CARD9: variants seen among roughly 807,000 people sequenced by gnomAD.
The protein encoded by CARD9 is caspase recruitment domain-containing protein 9.
A neutral mutation model predicts 66.0 loss-of-function variants in CARD9; 53 were observed. The observed-to-expected ratio is 0.80, with a 90% CI of 0.64 to 1.01. The LOEUF (loss-of-function observed/expected upper bound fraction) is 1.01, where lower values mean the gene tolerates loss of function less well. CARD9 is among the 50% of genes least tolerant of loss of function. The pLI, the probability that CARD9 is intolerant of heterozygous loss-of-function variation, is 0.00. For missense variants in CARD9, 769 were observed against 743.2 expected, an observed-to-expected ratio of 1.03 and a Z score of -0.40; for synonymous variants, 387 against 313.8, an observed-to-expected ratio of 1.23 and a Z score of -2.47.
In CARD9 at chr9:136,371,991, T is replaced by G; in HGVS notation, c.88A>C (p.Ile30Leu). 1 of 1,612,782 alleles carries G rather than the reference T, an allele frequency of 6.2e-7. No homozygotes were observed. Among genetic ancestry groups the G allele is most frequent in the East Asian group, 2.2e-5 (1 of 44,880 alleles). Residue 30 changes from isoleucine (I) to leucine (L), a missense_variant, in exon 2 of 13, where the codon ATC becomes CTC. Ile to Leu is a conservative substitution (Grantham distance 5). Coordinates refer to ENST00000371732, the MANE Select transcript of CARD9 (RefSeq NM_052813.5). Reference protein sequence around the residue: ...TLTSVIDPSRITPYLRQCKVL... With the variant: ...TLTSVIDPSRLTPYLRQCKVL... ...TTGCACTGCCGCAGGTAAGGTGTGA[T>G]GCGTGAGGGGTCGATGACCGAGGTG...
In CARD9 at chr9:136,370,993, C is replaced by T; in HGVS notation, c.475G>A (p.Glu159Lys). The T allele has an allele frequency of 6.2e-7, 1 of 1,611,382 alleles. No individual in the cohort carries two copies. The highest frequency in any genetic ancestry group is 8.5e-7 in the Non-Finnish European group (1 of 1,179,428). ...VKDSLLRKHQ[E>K]RVQRLKEECE... Reference sequence around the variant, plus strand: ...TCCTCCTTGAGCCTCTGCACACGCTCCTGGTGCTTGCGCAGCAGGCTGTCC... The same window carrying T: ...TCCTCCTTGAGCCTCTGCACACGCTTCTGGTGCTTGCGCAGCAGGCTGTCC... Residue 159 changes from glutamate (E) to lysine (K), a missense_variant, in exon 4 of 13, where the codon GAG becomes AAG. Glu to Lys is a moderately conservative substitution (Grantham distance 56, BLOSUM62 1). Coordinates refer to ENST00000371732, the MANE Select transcript of CARD9 (RefSeq NM_052813.5).
At chr9:136,372,136 G>A (rs1833292375) in intron 1 of CARD9, 42 bp from the exon 2 acceptor site, 1 of 1,602,538 alleles carries the variant, frequency 6.2e-7, no homozygotes, top group East Asian at 2.2e-5. Flanking sequence ...GCCGGCTCCT[G>A]CCCCCACCCG....
At position 136,364,583 on chromosome 9, in the gene CARD9, C is replaced by T. The variant is rs200917912; in HGVS notation, c.1435-24G>A. 12 of 1,532,952 alleles carry T rather than the reference C, an allele frequency of 7.8e-6. No homozygotes were observed. The African/African-American group carries it at 1.5e-4, about 19-fold the overall frequency. The allele number at this position is 1,532,952 out of a possible 1,614,324, so 95.0% of individuals were successfully genotyped here. A position where few individuals can be genotyped will look rare whatever the true frequency, so the allele number is the denominator to read the frequency against. On this transcript the variant is annotated intron_variant, in intron 11 of 12. Coordinates refer to ENST00000371732, the MANE Select transcript of CARD9 (RefSeq NM_052813.5). ...TCCTGGAGAAGGGGGAAGGCTCGGG[C>T]TCCGGCCGGCTCCCCTGAGGGAACC...
intron 8 of CARD9, 183 bp from the exon 9 acceptor site, chr9:136,367,440 C>T (rs935302620): frequency 1.8e-5 from 17 of 922,164 alleles, no homozygotes; most frequent in Middle Eastern, 2.2e-4. Context: ...GGACCCACCC[C>T]GGCCCTGCAG....
Position 136,364,251 on chromosome 9 carries a change from CAGG to C in CARD9, c.*48_*50del, listed in dbSNP as rs750455211. On this transcript the variant is annotated 3_prime_UTR_variant, in exon 13 of 13. Transcript: ENST00000371732. The stretch of plus-strand genomic sequence containing the variant: ...CCAGGGCGTCGGCACCCCCGGGTGG[CAGG>C]AGGCCGGGCCGGTGGGTGTGCCCTG... The C allele has an allele frequency of 9.0e-5, 140 of 1,550,414 alleles. No homozygotes were observed. Among genetic ancestry groups the C allele is most frequent in the Non-Finnish European group, 1.1e-4 (131 of 1,146,670 alleles).
At position 136,364,255 on chromosome 9, in the gene CARD9, A is replaced by G. The variant is rs1588718739; in HGVS notation, c.*47T>C. The G allele has an allele frequency of 6.5e-7, 1 of 1,550,316 alleles. No homozygotes were observed. Among genetic ancestry groups the G allele is most frequent in the South Asian group, 1.2e-5 (1 of 84,040 alleles). On this transcript the variant is annotated 3_prime_UTR_variant, in exon 13 of 13. Coordinates refer to ENST00000371732, the MANE Select transcript of CARD9 (RefSeq NM_052813.5). ...GGCGTCGGCACCCCCGGGTGGCAGG[A>G]GGCCGGGCCGGTGGGTGTGCCCTGG...
Position 136,371,141 on chromosome 9 carries a change from C to G in CARD9, c.327G>C (p.Ala109=). The change falls in exon 4 of 13, where the codon GCG becomes GCC. Residue 109 remains alanine (A), a synonymous_variant. Transcript: ENST00000371732. ...PARVFSMIID[A]SGESGLTQLL... is the part of the protein sequence containing the mutation. ...GCTGAGTCAGGCCTGACTCCCCGGA[C>G]GCGTCTGTGGGCCAGGCCAGTGTCA... 2 of 1,612,280 alleles carry G rather than the reference C, an allele frequency of 1.2e-6. No homozygotes were observed. The highest frequency in any genetic ancestry group is 1.7e-6 in the Non-Finnish European group (2 of 1,179,806).
chr9:136,372,207 G>C (rs887786268), intron 1 of CARD9, 113 bp from the exon 2 acceptor site: 2 of 1,431,206 alleles, frequency 1.4e-6, no homozygotes, highest in South Asian at 2.4e-5. Flanking sequence ...CATCGAGGGG[G>C]ATCAGCCCAG....
intron 8 of CARD9, 87 bp from the exon 9 acceptor site, chr9:136,367,344 C>G (rs1429111503): frequency 6.9e-7 from 1 of 1,453,236 alleles, no homozygotes; most frequent in Non-Finnish European, 9.5e-7. Context: ...GCGGGATCCT[C>G]CAGGGAGCCC....
intron 1 of CARD9, 138 bp downstream of exon 1, chr9:136,373,394 G>A (rs1398388398): frequency 3.4e-6 from 2 of 580,842 alleles, no homozygotes; most frequent in African/African-American, 4.1e-5. Flanking sequence ...GCCGTGAAAG[G>A]GACGGGGCCG....
Position 136,364,091 on chromosome 9 carries a change from A to G in CARD9, c.*211T>C. On this transcript the variant is annotated 3_prime_UTR_variant, in exon 13 of 13. Transcript: ENST00000371732. ...AGATGGCGTGTGCATGGGGGTGGTG[A>G]GCACCCGCATGGCCTCCGCAAAATG... The G allele has an allele frequency of 6.4e-7, 1 of 1,550,426 alleles. No homozygotes were observed. Among genetic ancestry groups the G allele is most frequent in the South Asian group, 1.2e-5 (1 of 84,066 alleles).
chr9:136,372,631 G>T (rs568210274), intron 1 of CARD9, among the ~76,000 whole-genome samples: 5 of 152,354 alleles, frequency 3.3e-5, no homozygotes, highest in Non-Finnish European at 5.9e-5. Flanking sequence ...GGTTCTTGTG[G>T]GACTTCCTCA....
chr9:136,368,078 G>T, intron 7 of CARD9: 1 of 1,346,144 alleles, frequency 7.4e-7, no homozygotes, highest in Non-Finnish European at 9.7e-7. Flanking sequence ...GACACAGCGT[G>T]TGCTATGTAC....
rs150480370 is a variant in CARD9, at chr9:136,365,141, A to G, written c.1434T>C (p.His478=). The part of the protein sequence containing the change: ...LHQEQVLRNP[H]DAGLSSGEPP... ...GGACCCCACCCCGGGGAAGCCTTAC[A>G]TGGGGGTTCCGCAAAACCTGCTCCT... is the stretch of plus-strand genomic sequence containing the variant. The change falls in exon 11 of 13, where the codon CAT becomes CAC. Residue 478 remains histidine, a splice_region_variant and synonymous_variant. Transcript: ENST00000371732. The G allele has an allele frequency of 1.8e-4, 297 of 1,612,056 alleles. No homozygotes were observed. The highest frequency in any genetic ancestry group is 2.4e-4 in the Non-Finnish European group (284 of 1,179,864).
intron 6 of CARD9, 54 bp from the exon 7 acceptor site, chr9:136,369,929 CT>C (rs1159829900): frequency 1.2e-6 from 2 of 1,604,310 alleles, no homozygotes; most frequent in Non-Finnish European, 1.7e-6. Flanking sequence ...CATTCTGGCC[CT>C]TGGGGTATAC....
rs201289327 is a variant in CARD9, at chr9:136,367,226, C to A, written c.1301G>T (p.Arg434Met). ...SSDLEDGSPR[R>M]SQELSLPQDL... ...TGGGGTCTCACTCACCTCCTGGGAC[C>A]TCCTGGGTGAGCCATCTTCCAGGTC... Residue 434 changes from arginine to methionine, a missense_variant, in exon 9 of 13, where the codon AGG (arginine) becomes ATG (methionine). Coordinates refer to ENST00000371732, the MANE Select transcript of CARD9 (RefSeq NM_052813.5). The A allele has an allele frequency of 6.2e-7, 1 of 1,612,830 alleles. No individual in the cohort carries two copies. The highest frequency in any genetic ancestry group is 1.1e-5 in the South Asian group (1 of 90,950).
Position 136,369,808 on chromosome 9 carries a change from T to C in CARD9, c.1019A>G (p.Lys340Arg). 6.2e-7 allele frequency: 1 copy of C among 1,612,764 alleles called. No homozygotes were observed. Among genetic ancestry groups the C allele is most frequent in the Non-Finnish European group, 8.5e-7 (1 of 1,179,948 alleles). ...LALRKDSKMY[K>R]DRIEAILLQM... ...CAGCAGGATGGCCTCGATGCGGTCC[T>C]TGTACATCTTGGAGTCCTTACGTAG... is the stretch of plus-strand genomic sequence containing the variant. The change falls in exon 7 of 13, where the codon AAG becomes AGG. Residue 340 changes from lysine (K) to arginine (R), a missense_variant. Physicochemically the swap from Lys to Arg is conservative, Grantham distance 26. Transcript: ENST00000371732.
intron 8 of CARD9, 127 bp downstream of exon 8, chr9:136,367,510 G>A (rs749349863): frequency 4.8e-5 from 57 of 1,196,862 alleles, no homozygotes; most frequent in Non-Finnish European, 6.6e-5. Flanking sequence ...GCCAGGAGGG[G>A]TTTGGTTAGG....
chr9:136,367,523 G>A, intron 8 of CARD9, 114 bp downstream of exon 8: 1 of 1,315,530 alleles, frequency 7.6e-7, no homozygotes, highest in Non-Finnish European at 1.0e-6. Flanking sequence ...TGGTTAGGTT[G>A]GGGCCCGTCA....
Sources: gnomAD v4.1 joint callset for allele counts (sites outside exome capture counted in the v4.1 genomes callset) on GRCh38, gnomAD v4.1.1 for gene constraint, MANE v1.5 for transcripts, NCBI Gene and HGNC (gene_info 2026-07-23, HGNC 2026-07-21) for gene names.